The following F10 variants were observed in gnomAD, a reference collection of about 807,000 sequenced individuals.
F10 encodes the protein Stuart-Prower factor.
F10 carries 29 observed loss-of-function variants against 37.1 expected under a neutral mutation model. That is an observed-to-expected ratio of 0.78 (90% CI 0.58 to 1.07). F10 has a LOEUF of 1.07. Among genes scored for constraint, F10 ranks in the 50% least tolerant of loss-of-function variants. F10 has a pLI of 0.00. For synonymous variants in F10, 262 were observed against 268.6 expected (o/e 0.98, Z 0.24); for missense variants, 539 against 667.9 (o/e 0.81, Z 2.13).
In F10 at chr13:113,144,426, C is replaced by T. The variant is rs113274946; in HGVS notation, c.747+331C>T. ...TGTGAAACAGAAGAGAGGGAGAAGG[C>T]GCAGCCACACGCTCAAGTGTCCTCA... On this transcript the variant is annotated intron_variant, in intron 6 of 7. Coordinates refer to ENST00000375559, the MANE Select transcript of F10 (RefSeq NM_000504.4). This position sits in a 1 kb window ranked among gnomAD's most constrained non-coding sequence, Gnocchi z 6.4. 2.0e-5 allele frequency among the ~76,000 whole-genome samples: 3 copies of T among 152,292 alleles called. No homozygotes were observed. Among genetic ancestry groups the T allele is most frequent in the African/African-American group, 4.8e-5 (2 of 41,570 alleles).
intron 2 of F10, chr13:113,130,618 C>T (rs931314387): frequency 1.3e-5 from 2 of 152,278 alleles, no homozygotes; most frequent in African/African-American, 4.8e-5. Context: ...TTACAGGTCC[C>T]CCAGCGCAGG....
In F10 at chr13:113,122,926, G is replaced by T; in HGVS notation, c.70+1G>T. 1 of 1,609,374 alleles carries T rather than the reference G, an allele frequency of 6.2e-7. No homozygotes were observed. On this transcript the variant is annotated splice_donor_variant, in intron 1 of 7. Transcript: ENST00000375559. LOFTEE classifies it high-confidence loss of function. ...GGCCTCCTGCTGCTCGGGGAAAGTC[G>T]TAAGTGCCCCTCGCCCTTCAGACCC...
At position 113,129,464 on chromosome 13, in the gene F10, G is replaced by A; in HGVS notation, c.83G>A (p.Arg28Lys). The change falls in exon 2 of 8, where the codon AGG becomes AAG. Residue 28 changes from arginine to lysine, a missense_variant. Around this residue, in one of 2 missense-constraint regions of F10, gnomAD observed 130 missense variants for 120.0 expected, o/e 1.08. Coordinates refer to ENST00000375559, the MANE Select transcript of F10 (RefSeq NM_000504.4). ...CCCTGCCTTCCAGTGTTCATCCGCAGGGAGCAGGCCAACAACATCCTGGCG... is the reference window on the plus strand; with the variant it reads ...CCCTGCCTTCCAGTGTTCATCCGCAAGGAGCAGGCCAACAACATCCTGGCG... Reference protein sequence around the residue: ...LLLGESLFIRREQANNILARV... With the variant: ...LLLGESLFIRKEQANNILARV... 6.2e-7 allele frequency: 1 copy of A among 1,613,900 alleles called. No individual in the cohort carries two copies. Among genetic ancestry groups the A allele is most frequent in the East Asian group, 2.2e-5 (1 of 44,876 alleles).
intron 7 of F10, among the ~76,000 whole-genome samples, chr13:113,148,692 C>G (rs2036608403): frequency 6.6e-6 from 1 of 152,152 alleles, no homozygotes; most frequent in African/African-American, 2.4e-5. Flanking sequence ...TGGCGGCCGT[C>G]TAAAGAACCA....
rs1202903758 is a variant in F10 at position 113,139,789 on chromosome 13, T to TG, written c.370+323dup. Among the ~76,000 whole-genome samples the TG allele has an allele frequency of 6.6e-6, 1 of 152,128 alleles. No individual in the cohort carries two copies. Among genetic ancestry groups the TG allele is most frequent in the Non-Finnish European group, 1.5e-5 (1 of 68,032 alleles). On this transcript the variant is annotated intron_variant, in intron 4 of 7. Transcript: ENST00000375559. The surrounding 1 kb of genome is among the most constrained non-coding windows in gnomAD (Gnocchi z 5.2). ...ACAGGAGTGGACTCTCTGTTTTCCT[T>TG]GGGGCCAAGTGCATTGCCCTGTTAT...
In F10 at chr13:113,141,166, G is replaced by T; in HGVS notation, c.502+116G>T. 1 of 1,443,842 alleles carries T rather than the reference G, an allele frequency of 6.9e-7. No individual in the cohort carries two copies. The highest frequency in any genetic ancestry group is 1.9e-5 in the Admixed American group (1 of 52,336). The allele number at this position is 1,443,842 out of a possible 1,614,324, so 89.4% of individuals were successfully genotyped here. ...TTCTGGGCGGGCCTGGCAGGTAACAGTGACACCAAGAGGACAGGACTGAGC... is the reference window on the plus strand; with the variant it reads ...TTCTGGGCGGGCCTGGCAGGTAACATTGACACCAAGAGGACAGGACTGAGC... On this transcript the variant is annotated intron_variant, in intron 5 of 7. Coordinates refer to ENST00000375559, the MANE Select transcript of F10 (RefSeq NM_000504.4). The surrounding 1 kb of genome is among the most constrained non-coding windows in gnomAD (Gnocchi z 5.4).
intron 2 of F10, 32 bp from the exon 3 acceptor site, chr13:113,138,425 A>G: frequency 9.5e-7 from 1 of 1,057,868 alleles, no homozygotes; most frequent in African/African-American, 1.6e-5. Flanking sequence ...TGTTTTCCCT[A>G]ATATATTTTT....
At chr13:113,138,366 A>G (rs892922544) in intron 2 of F10, 91 bp from the exon 3 acceptor site, 2 of 678,338 alleles carry the variant, frequency 2.9e-6, no homozygotes, top group African/African-American at 3.6e-5. Flanking sequence ...AAAATATCCT[A>G]TTCAGCTTGA....
rs746497476 is a variant in F10 at position 113,129,627 on chromosome 13, T to C, written c.231+15T>C. The stretch of plus-strand genomic sequence containing the variant: ...GCGACAAGACGGTAAGGGCTGGGGA[T>C]AGCCTGGCTGTTGGTAAGGAGCTCA... On this transcript the variant is annotated intron_variant, in intron 2 of 7. Transcript: ENST00000375559. The C allele has an allele frequency of 1.2e-6, 2 of 1,613,844 alleles. No individual in the cohort carries two copies. The highest frequency in any genetic ancestry group is 1.7e-6 in the Non-Finnish European group (2 of 1,179,920).
chr13:113,129,579 G>C lies in F10; in HGVS notation c.198G>C (p.Glu66Asp). 1.2e-6 allele frequency: 2 copies of C among 1,614,242 alleles called. No individual in the cohort carries two copies. The highest frequency in any genetic ancestry group is 8.5e-7 in the Non-Finnish European group (1 of 1,180,034). The stretch of plus-strand genomic sequence containing the variant: ...TGGAAGAGACCTGCTCATACGAAGA[G>C]GCCCGCGAGGTCTTTGAGGACAGCG... Reference protein sequence around the residue: ...ECMEETCSYEEAREVFEDSDK... With the variant: ...ECMEETCSYEDAREVFEDSDK... The change falls in exon 2 of 8, where the codon GAG (glutamate) becomes GAC (aspartate). Residue 66 changes from glutamate to aspartate, a missense_variant. This residue lies in a region of F10 where 130 missense variants were observed against 120.0 expected (regional missense o/e 1.08). Coordinates refer to ENST00000375559, the MANE Select transcript of F10 (RefSeq NM_000504.4).
chr13:113,138,831 CT>C (rs749459931), intron 3 of F10, among the ~76,000 whole-genome samples: 1 of 152,170 alleles, frequency 6.6e-6, no homozygotes, highest in Non-Finnish European at 1.5e-5. Context: ...TGATTTAATG[CT>C]TAATAGCATC....
At chr13:113,126,969 G>A (rs1566914742) in intron 1 of F10, among the ~76,000 whole-genome samples, 1 of 152,238 alleles carries the variant, frequency 6.6e-6, no homozygotes, top group East Asian at 1.9e-4. Flanking sequence ...TGGGAGTGGA[G>A]CAGACACGCA....
At chr13:113,128,503 C>T (rs2036391687) in intron 1 of F10, 1 of 152,080 alleles carries the variant, frequency 6.6e-6, no homozygotes, top group Non-Finnish European at 1.5e-5. Flanking sequence ...TAGATGAAGA[C>T]TCATAGGTGG....
chr13:113,134,947 A>G (rs1398327760), intron 2 of F10, among the ~76,000 whole-genome samples: 1 of 152,202 alleles, frequency 6.6e-6, no homozygotes, highest in Non-Finnish European at 1.5e-5. Context: ...ACATATTAAG[A>G]TATCAATTTT....
At chr13:113,142,622 A>C (rs2036542179) in intron 5 of F10, among the ~76,000 whole-genome samples, 1 of 147,480 alleles carries the variant, frequency 6.8e-6, no homozygotes, top group African/African-American at 2.4e-5. Context: ...TACATAATCT[A>C]CTTTGTAGTG....
intron 2 of F10, among the ~76,000 whole-genome samples, chr13:113,137,621 G>A (rs1326176968): frequency 6.6e-6 from 1 of 152,152 alleles, no homozygotes; most frequent in Non-Finnish European, 1.5e-5. Flanking sequence ...TGAAATTAGG[G>A]TGTCAGCAGT....
intron 1 of F10, among the ~76,000 whole-genome samples, chr13:113,126,762 C>T (rs1418703379): frequency 2.0e-5 from 3 of 152,206 alleles, no homozygotes; most frequent in Non-Finnish European, 4.4e-5. Context: ...GCCCGCGAGT[C>T]CCAGTTTGGG....
chr13:113,140,119 G>C (rs2138542366), intron 4 of F10, among the ~76,000 whole-genome samples: 1 of 143,422 alleles, frequency 7.0e-6, no homozygotes, highest in South Asian at 2.2e-4. Flanking sequence ...TGTGGCCCAG[G>C]CTAGAGTGCA....
chr13:113,147,229 AAGGAACT>A, intron 6 of F10, 143 bp from the exon 7 acceptor site: 1 of 686,898 alleles, frequency 1.5e-6, no homozygotes, highest in East Asian at 2.7e-5. Context: ...AGAGACAGAC[AAGGAACT>A]GTCCTTGGGT....
Sources: gnomAD v4.1 joint callset for allele counts (sites outside exome capture counted in the v4.1 genomes callset) on GRCh38, gnomAD v4.1.1 for gene constraint, gnomAD v4.1.1 regional missense constraint, Gnocchi (gnomAD v3.1) non-coding constraint, MANE v1.5 for transcripts, NCBI Gene and HGNC (gene_info 2026-07-23, HGNC 2026-07-21) for gene names.